CLSTN3: variants seen among roughly 807,000 people sequenced by gnomAD.
The protein encoded by CLSTN3 is calsyntenin 3, also known as calsyntenin-3.
In CLSTN3, 36 loss-of-function variants were observed where a neutral mutation model predicts 95.9. The observed-to-expected ratio is 0.38, with a 90% confidence interval of 0.29 to 0.50. The LOEUF is 0.50. CLSTN3 is among the 20% of genes least tolerant of loss of function. The pLI, the probability that CLSTN3 is intolerant of heterozygous loss-of-function variation, is 0.95. For synonymous variants in CLSTN3, 481 were observed against 504.0 expected, an observed-to-expected ratio of 0.95 and a Z score of 0.61; for missense variants, 1,084 against 1,268.8, an observed-to-expected ratio of 0.85 and a Z score of 2.21.
rs71067156 is a variant in CLSTN3, at chr12:7,137,795, TGA to T, written c.1211-134_1211-133del. The stretch of plus-strand genomic sequence containing the variant: ...GTGTGTGTGTGTGTGTGTGTGTGTG[TGA>T]GAGAGAGAGAGAGAGAGAGAGAGAG... On this transcript the variant is annotated intron_variant, in intron 7 of 17. Coordinates refer to ENST00000266546, the MANE Select transcript of CLSTN3 (RefSeq NM_014718.4). This position sits in a 1 kb window ranked among gnomAD's most constrained non-coding sequence, Gnocchi z 4.4. 0.052 allele frequency among the ~76,000 whole-genome samples: 3,645 copies of T among 70,670 alleles called. 121 individuals carry two copies. Among genetic ancestry groups the T allele is most frequent in the East Asian group, 0.19 (362 of 1,884 alleles). 46.4% of individuals were successfully genotyped at this position (70,670 alleles called of 152,430 possible). A position where few individuals can be genotyped will look rare whatever the true frequency, so the allele number is the denominator to read the frequency against.
In CLSTN3 at chr12:7,149,855, G is replaced by A. The variant is rs1005928060; in HGVS notation, c.2245+162G>A. On this transcript the variant is annotated intron_variant, in intron 14 of 17. Transcript: ENST00000266546. This position sits in a 1 kb window ranked among gnomAD's most constrained non-coding sequence, Gnocchi z 4.5. ...GATCCTCTGGCTTTGATTGTCCCTAGGGAAGGTGTGCTGGGTTTAGGCTCC... is the reference window on the plus strand; with the variant it reads ...GATCCTCTGGCTTTGATTGTCCCTAAGGAAGGTGTGCTGGGTTTAGGCTCC... Among the ~76,000 whole-genome samples, 7 of 152,190 alleles carry A rather than the reference G, an allele frequency of 4.6e-5. No homozygotes were observed. The highest frequency in any genetic ancestry group is 3.2e-3 in the Middle Eastern group (1 of 316).
rs1398472842 is a variant in CLSTN3, at chr12:7,149,220, A to G, written c.2074+22A>G. On this transcript the variant is annotated intron_variant, in intron 13 of 17. Transcript: ENST00000266546. The surrounding 1 kb of genome is among the most constrained non-coding windows in gnomAD (Gnocchi z 4.5). ...ACAGGTAAGGACGACTTCGGGGAGT[A>G]ACACCATCCAGAGAACCAGCCAGTG... 3.1e-6 allele frequency: 5 copies of G among 1,597,018 alleles called. No individual in the cohort carries two copies. Among genetic ancestry groups the G allele is most frequent in the Admixed American group, 1.7e-5 (1 of 59,328 alleles).
intron 12 of CLSTN3, among the ~76,000 whole-genome samples, chr12:7,145,234 T>C (rs893649812): frequency 2.0e-5 from 3 of 152,328 alleles, no homozygotes; most frequent in African/African-American, 7.2e-5. Context: ...GGGGCCTTGA[T>C]GTTTTCTCTA....
chr12:7,147,021 T>C (rs776678373), intron 12 of CLSTN3, among the ~76,000 whole-genome samples: 9 of 152,184 alleles, frequency 5.9e-5, no homozygotes, highest in Non-Finnish European at 1.2e-4. Flanking sequence ...TCTCCCTTTT[T>C]ACTCCAGCAT....
chr12:7,144,979 CAT>C (rs767198573), intron 12 of CLSTN3, among the ~76,000 whole-genome samples: 354 of 152,310 alleles, frequency 2.3e-3, no homozygotes, highest in African/African-American at 7.4e-3. Context: ...AAAGGGCTGT[CAT>C]CCAGTTATGA....
intron 8 of CLSTN3, among the ~76,000 whole-genome samples, chr12:7,139,663 T>A (rs1162713794): frequency 7.2e-5 from 11 of 151,956 alleles, no homozygotes; most frequent in African/African-American, 2.4e-4. Context: ...ATTATTTTTT[T>A]TTTTGAGATG....
chr12:7,130,397 G>T lies in CLSTN3; in HGVS notation c.-252G>T. The T allele has an allele frequency of 7.0e-7, 1 of 1,435,710 alleles. No homozygotes were observed. The highest frequency in any genetic ancestry group is 1.5e-5 in the South Asian group (1 of 68,630). The allele number at this position is 1,435,710 out of a possible 1,614,324, so 88.9% of individuals were successfully genotyped here. ...TCCTGCAGTAGCGGGGTTGGGGTGG[G>T]AGTGAGAGAGTGAGGACGCTGGGCT... On this transcript the variant is annotated 5_prime_UTR_variant, in exon 1 of 18. Transcript: ENST00000266546.
chr12:7,155,127 A>G (rs1939793443), intron 16 of CLSTN3, among the ~76,000 whole-genome samples: 1 of 152,154 alleles, frequency 6.6e-6, no homozygotes. Context: ...CCCATGGACC[A>G]TTTGCTAAGT....
At chr12:7,156,156 C>T (rs1055571735) in intron 16 of CLSTN3, 11 of 387,718 alleles carry the variant, frequency 2.8e-5, no homozygotes, top group East Asian at 1.4e-4. Context: ...GCAACGGGAC[C>T]GCCCAGGGAG....
rs144273848 is a variant in CLSTN3, at chr12:7,146,386, C to T, written c.1848-2586C>T. ...CTGCATTCCAGCCTGGGCGACAAAG[C>T]GAGACCCTGTCTCTAAAAAATTAGA... On this transcript the variant is annotated intron_variant, in intron 12 of 17. Coordinates refer to ENST00000266546, the MANE Select transcript of CLSTN3 (RefSeq NM_014718.4). Among the ~76,000 whole-genome samples the T allele has an allele frequency of 4.5e-3, 681 of 151,978 alleles. 5 individuals are homozygous for T. The highest frequency in any genetic ancestry group is 0.014 in the African/African-American group (599 of 41,390).
chr12:7,135,066 G>A lies in CLSTN3; in HGVS notation c.384-261G>A, dbSNP rs1484608279. On this transcript the variant is annotated intron_variant, in intron 3 of 17. Coordinates refer to ENST00000266546, the MANE Select transcript of CLSTN3 (RefSeq NM_014718.4). The stretch of plus-strand genomic sequence containing the variant: ...CTCCTTTCTGGCATATGGGTGTACC[G>A]TGTCGAGGCTGTACCTTGGTGTACA... Among the ~76,000 whole-genome samples the A allele has an allele frequency of 3.9e-5, 6 of 152,006 alleles. No homozygotes were observed. The East Asian group carries it at 5.8e-4, about 15-fold the overall frequency.
Position 7,133,010 on chromosome 12 carries a change from T to G in CLSTN3, c.65-14T>G, listed in dbSNP as rs1262851986. ...TCACAGGTGCTTCCTCTCCTCTCCC[T>G]GGGGTGGGGCCAGCCAACAAGCACA... On this transcript the variant is annotated splice_polypyrimidine_tract_variant and intron_variant, in intron 1 of 17. Coordinates refer to ENST00000266546, the MANE Select transcript of CLSTN3 (RefSeq NM_014718.4). This position sits in a 1 kb window ranked among gnomAD's most constrained non-coding sequence, Gnocchi z 4.7. 6.2e-7 allele frequency: 1 copy of G among 1,612,940 alleles called. No individual in the cohort carries two copies. Among genetic ancestry groups the G allele is most frequent in the South Asian group, 1.1e-5 (1 of 90,816 alleles).
rs150595257 is a variant in CLSTN3 at position 7,141,307 on chromosome 12, C to T, written c.1389C>T (p.Thr463=). 120 of 1,614,158 alleles carry T rather than the reference C, an allele frequency of 7.4e-5. No individual in the cohort carries two copies. The highest frequency in any genetic ancestry group is 6.8e-4 in the African/African-American group (51 of 75,056). The change falls in exon 9 of 18, where the codon ACC becomes ACT. Residue 463 remains threonine (T), a synonymous_variant. Transcript: ENST00000266546. The surrounding 1 kb of genome is among the most constrained non-coding windows in gnomAD (Gnocchi z 4.1). Reference sequence around the variant, plus strand: ...AGTTCCCCACAGTCACACTCTATACCGACGGCATCTCCTTCGACCCTGCCC... The same window carrying T: ...AGTTCCCCACAGTCACACTCTATACTGACGGCATCTCCTTCGACCCTGCCC... ...NLEFPTVTLY[T]DGISFDPALI...
At position 7,131,863 on chromosome 12, in the gene CLSTN3, G is replaced by C. The variant is rs774821671; in HGVS notation, c.64+1151G>C. The C allele has an allele frequency of 1.0e-4, 47 of 456,332 alleles. 1 individual carries two copies. The highest frequency in any genetic ancestry group is 7.3e-4 in the South Asian group (47 of 64,572). 28.3% of individuals were successfully genotyped at this position (456,332 alleles called of 1,614,324 possible). On this transcript the variant is annotated intron_variant, in intron 1 of 17. Coordinates refer to ENST00000266546, the MANE Select transcript of CLSTN3 (RefSeq NM_014718.4). Reference sequence around the variant, plus strand: ...AGTAAGAAAGCCTTCCCATGCCAAAGGCTTGCTGGTGTGTGGTTGGAGGAA... The same window carrying C: ...AGTAAGAAAGCCTTCCCATGCCAAACGCTTGCTGGTGTGTGGTTGGAGGAA...
At chr12:7,144,992 AAGG>A (rs1363112668) in intron 12 of CLSTN3, among the ~76,000 whole-genome samples, 355 of 152,232 alleles carry the variant, frequency 2.3e-3, no homozygotes, top group African/African-American at 7.4e-3. Flanking sequence ...CCAGTTATGA[AAGG>A]CTTGATCCCT....
intron 1 of CLSTN3, among the ~76,000 whole-genome samples, chr12:7,131,547 A>T (rs1235915568): frequency 6.6e-6 from 1 of 152,046 alleles, no homozygotes; most frequent in Non-Finnish European, 1.5e-5. Context: ...TCAGGAAAAG[A>T]GTGAGTCAAG....
rs1438773761 is a variant in CLSTN3, at chr12:7,149,122, G to T, written c.1998G>T (p.Leu666Phe). The T allele has an allele frequency of 6.2e-7, 1 of 1,614,216 alleles. No individual in the cohort carries two copies. The highest frequency in any genetic ancestry group is 1.7e-5 in the Admixed American group (1 of 60,030). The change falls in exon 13 of 18, where the codon TTG becomes TTT. Residue 666 changes from leucine to phenylalanine, a missense_variant. Coordinates refer to ENST00000266546, the MANE Select transcript of CLSTN3 (RefSeq NM_014718.4). This position sits in a 1 kb window ranked among gnomAD's most constrained non-coding sequence, Gnocchi z 4.5. The stretch of plus-strand genomic sequence containing the variant: ...TTGAGGGAACCAACGGCGTCCCTTT[G>T]TTCCCTGATCTTCAAATCACCTGCT... Reference protein sequence around the residue: ...VDFEGTNGVPLFPDLQITCSI... With the variant: ...VDFEGTNGVPFFPDLQITCSI...
intron 16 of CLSTN3, among the ~76,000 whole-genome samples, chr12:7,153,239 G>A (rs1288153158): frequency 3.9e-5 from 6 of 152,218 alleles, no homozygotes; most frequent in African/African-American, 9.6e-5. Context: ...CTGGAGCCTC[G>A]AACTCCTGAG....
intron 10 of CLSTN3, 78 bp downstream of exon 10, chr12:7,142,217 A>C: frequency 7.8e-7 from 1 of 1,278,330 alleles, no homozygotes; most frequent in Non-Finnish European, 1.1e-6. Flanking sequence ...TCCACCCCAA[A>C]TCCTATCCAG....
Sources: allele counts gnomAD v4.1 joint callset (sites outside exome capture counted in the v4.1 genomes callset), GRCh38; gene constraint gnomAD v4.1.1; non-coding constraint Gnocchi (gnomAD v3.1); transcripts MANE v1.5; gene names NCBI Gene and HGNC (gene_info 2026-07-23, HGNC 2026-07-21).